Variants in ITPRID1 observed in about 807,000 individuals in gnomAD.
ITPRID1 encodes the protein protein ITPRID1.
Under a neutral mutation model 95.4 loss-of-function variants are expected in ITPRID1, and 96 were observed. The observed-to-expected ratio is 1.01, with a 90% CI of 0.85 to 1.19. The LOEUF is 1.19. Ranked by LOEUF, ITPRID1 falls within the 50% of genes most tolerant of loss-of-function variation. The pLI, the probability that ITPRID1 is intolerant of heterozygous loss-of-function variation, is 0.00. For missense variants in ITPRID1, 1,339 were observed against 1,252.9 expected (o/e 1.07, Z -1.04); for synonymous variants, 510 against 453.6 (o/e 1.12, Z -1.58).
In ITPRID1 at chr7:31,642,485, CT is replaced by C. The variant is rs1281590898; in HGVS notation, c.1312-193del. 2.6e-5 allele frequency among the ~76,000 whole-genome samples: 4 copies of C among 152,306 alleles called. No individual in the cohort carries two copies. The East Asian group carries it at 7.7e-4, about 29-fold the overall frequency. ...TGCCGGAAAGTGTGGCCTTCCTTTC[CT>C]TTTGACTTTTCTAAGCAAGGAGGCT... is the stretch of plus-strand genomic sequence containing the variant. On this transcript the variant is annotated intron_variant, in intron 11 of 14. Transcript: ENST00000615280.
chr7:31,587,956 G>A (rs905954555), intron 10 of ITPRID1, among the ~76,000 whole-genome samples: 3 of 152,110 alleles, frequency 2.0e-5, no homozygotes, highest in Admixed American at 6.6e-5. Context: ...GCTGAAACTG[G>A]ATCCCTTCCT....
At chr7:31,540,270 A>G (rs2128132751) in intron 1 of ITPRID1, among the ~76,000 whole-genome samples, 1 of 152,228 alleles carries the variant, frequency 6.6e-6, no homozygotes, top group Admixed American at 6.5e-5. Flanking sequence ...GAAGGGTTCC[A>G]GGCACCCTCA....
chr7:31,542,097 A>C (rs906888051), intron 1 of ITPRID1, among the ~76,000 whole-genome samples: 1 of 152,174 alleles, frequency 6.6e-6, no homozygotes, highest in Non-Finnish European at 1.5e-5. Context: ...TACCAAAAGT[A>C]TGTGTAAATT....
At chr7:31,620,752 T>G (rs1787790408) in intron 10 of ITPRID1, among the ~76,000 whole-genome samples, 1 of 152,076 alleles carries the variant, frequency 6.6e-6, no homozygotes, top group South Asian at 2.1e-4. Context: ...GGAACAAAGC[T>G]GGATGGAGAA....
Position 31,625,995 on chromosome 7 carries a change from C to G in ITPRID1, c.1229-16181C>G, listed in dbSNP as rs147845167. ...ATATCTTCAGTAAACTTTGCTATGACTTTTAAAAAAACTTTATGACTAACT... is the reference window on the plus strand; with the variant it reads ...ATATCTTCAGTAAACTTTGCTATGAGTTTTAAAAAAACTTTATGACTAACT... On this transcript the variant is annotated intron_variant, in intron 10 of 14. Transcript: ENST00000615280. Among the ~76,000 whole-genome samples, 567 of 152,162 alleles carry G rather than the reference C, an allele frequency of 3.7e-3. 5 individuals carry two copies. The highest frequency in any genetic ancestry group is 0.013 in the African/African-American group (526 of 41,518).
intron 6 of ITPRID1, among the ~76,000 whole-genome samples, chr7:31,571,901 A>G (rs894034701): frequency 6.6e-6 from 1 of 152,052 alleles, no homozygotes; most frequent in African/African-American, 2.4e-5. Flanking sequence ...AAATTCTTAC[A>G]CCTTCTATAA....
At chr7:31,566,761 T>C (rs1312411455) in intron 5 of ITPRID1, among the ~76,000 whole-genome samples, 1 of 152,214 alleles carries the variant, frequency 6.6e-6, no homozygotes, top group Non-Finnish European at 1.5e-5. Context: ...TTCTCTCATC[T>C]GACAACTTCA....
At chr7:31,617,866 T>TA (rs1787417110) in intron 10 of ITPRID1, among the ~76,000 whole-genome samples, 1 of 152,242 alleles carries the variant, frequency 6.6e-6, no homozygotes, top group Admixed American at 6.5e-5. Flanking sequence ...AGAAGAGAGT[T>TA]ACTTTTATTT....
intron 10 of ITPRID1, among the ~76,000 whole-genome samples, chr7:31,625,669 G>A (rs1438765972): frequency 6.6e-6 from 1 of 152,078 alleles, no homozygotes; most frequent in Non-Finnish European, 1.5e-5. Flanking sequence ...TATACCTAAT[G>A]CTAGATGACG....
chr7:31,586,964 A>G (rs1201388952), intron 10 of ITPRID1, among the ~76,000 whole-genome samples: 3 of 152,150 alleles, frequency 2.0e-5, no homozygotes, highest in East Asian at 1.9e-4. Flanking sequence ...TAGGGTTTTT[A>G]TGGTTTTAGG....
chr7:31,641,988 C>T lies in ITPRID1; in HGVS notation c.1229-188C>T, dbSNP rs1335757478. ...TCTTTGTATCAGGAAACCAGTGATG[C>T]AATTTTAACTGAACTCTCTGACAAT... On this transcript the variant is annotated intron_variant, in intron 10 of 14. Coordinates refer to ENST00000615280, the MANE Select transcript of ITPRID1 (RefSeq NM_001257967.3). 2.0e-5 allele frequency among the ~76,000 whole-genome samples: 3 copies of T among 152,224 alleles called. No homozygotes were observed. In the Middle Eastern group the frequency reaches 0.01, roughly 518 times the overall value.
intron 1 of ITPRID1, among the ~76,000 whole-genome samples, chr7:31,538,424 A>G (rs1339894749): frequency 6.6e-6 from 1 of 152,238 alleles, no homozygotes; most frequent in Non-Finnish European, 1.5e-5. Context: ...GCATTGACAC[A>G]ATACTATTAT....
intron 12 of ITPRID1, among the ~76,000 whole-genome samples, chr7:31,647,210 G>A (rs1364697666): frequency 1.7e-4 from 26 of 152,220 alleles, no homozygotes; most frequent in Admixed American, 1.6e-3. Context: ...CTAAGAGTGA[G>A]CCTGGGTTTG....
intron 10 of ITPRID1, among the ~76,000 whole-genome samples, chr7:31,620,818 G>A (rs1463521411): frequency 6.6e-6 from 1 of 152,124 alleles, no homozygotes; most frequent in South Asian, 2.1e-4. Context: ...CAAGCTACAG[G>A]AGGAAATTCA....
At chr7:31,557,764 A>C (rs562705777) in intron 5 of ITPRID1, among the ~76,000 whole-genome samples, 1 of 152,306 alleles carries the variant, frequency 6.6e-6, no homozygotes, top group Non-Finnish European at 1.5e-5. Flanking sequence ...AAGTAACTTG[A>C]CAAAAGCCAC....
At chr7:31,537,671 T>C (rs1002891716) in intron 1 of ITPRID1, among the ~76,000 whole-genome samples, 50 of 152,184 alleles carry the variant, frequency 3.3e-4, no homozygotes, top group Admixed American at 2.6e-3. Flanking sequence ...ATTCCATTGA[T>C]TTTTAAAATA....
At chr7:31,546,977 G>C (rs1298225669) in intron 1 of ITPRID1, among the ~76,000 whole-genome samples, 1 of 152,116 alleles carries the variant, frequency 6.6e-6, no homozygotes, top group Non-Finnish European at 1.5e-5. Context: ...AAAAAGCTTT[G>C]AGGTAGGAGA....
intron 5 of ITPRID1, among the ~76,000 whole-genome samples, chr7:31,557,115 G>A (rs565044420): frequency 1.3e-5 from 2 of 151,962 alleles, no homozygotes; most frequent in South Asian, 4.2e-4. Flanking sequence ...ATGTAATCCA[G>A]TATGATCTCA....
At chr7:31,576,041 G>A (rs1206628153) in intron 8 of ITPRID1, among the ~76,000 whole-genome samples, 2 of 152,136 alleles carry the variant, frequency 1.3e-5, no homozygotes, top group African/African-American at 2.4e-5. Flanking sequence ...GGAGAATAAT[G>A]TCATTTACCA....
Sources: gnomAD v4.1 joint callset for allele counts (sites outside exome capture counted in the v4.1 genomes callset) on GRCh38, gnomAD v4.1.1 for gene constraint, MANE v1.5 for transcripts, NCBI Gene and HGNC (gene_info 2026-07-23, HGNC 2026-07-21) for gene names.